The following SLC6A2 variants were observed in gnomAD, a reference collection of about 807,000 sequenced individuals.
SLC6A2 encodes sodium-dependent noradrenaline transporter.
A neutral mutation model predicts 71.7 loss-of-function variants in SLC6A2; 26 were observed. The ratio of observed to expected loss-of-function variants is 0.36; its 90% confidence interval spans 0.27 to 0.50. SLC6A2 has a LOEUF of 0.50. SLC6A2 is among the 20% of genes least tolerant of loss of function. SLC6A2 has a pLI of 0.96. For missense variants in SLC6A2, 581 were observed against 803.9 expected (o/e 0.72, Z 3.35); for synonymous variants, 363 against 337.9 (o/e 1.07, Z -0.82).
At chr16:55,691,847 C>G in intron 5 of SLC6A2, 71 bp from the exon 6 acceptor site, 1 of 1,564,476 alleles carries the variant, frequency 6.4e-7, no homozygotes, top group Admixed American at 1.7e-5. Flanking sequence ...GGAAAGGGCT[C>G]TGTGCCCCAC....
At chr16:55,697,748 G>A (rs1965843254) in intron 9 of SLC6A2, 149 bp from the exon 10 acceptor site, 1 of 738,906 alleles carries the variant, frequency 1.4e-6, no homozygotes, top group African/African-American at 1.7e-5. Context: ...ACGAGAGGAT[G>A]GGGAAGGCAG....
In SLC6A2 at chr16:55,704,803, C is replaced by T. The variant is rs188428384; in HGVS notation, c.*2457C>T. On this transcript the variant is annotated 3_prime_UTR_variant, in exon 15 of 15. Coordinates refer to ENST00000568943, the MANE Select transcript of SLC6A2 (RefSeq NM_001172501.3). ...GCTAGCTGAACCAACACCAAACCAA[C>T]GCAGTGGTGCTGCCTTGCGGCGGAA... is the stretch of plus-strand genomic sequence containing the variant. The T allele has an allele frequency of 2.1e-4, 34 of 160,728 alleles. 1 individual carries two copies. The highest frequency in any genetic ancestry group is 7.6e-4 in the South Asian group (4 of 5,260). 10.0% of individuals were successfully genotyped at this position (160,728 alleles called of 1,614,324 possible). A position where few individuals can be genotyped will look rare whatever the true frequency, so the allele number is the denominator to read the frequency against.
At chr16:55,697,790 G>A in intron 9 of SLC6A2, 107 bp from the exon 10 acceptor site, 1 of 1,192,264 alleles carries the variant, frequency 8.4e-7, no homozygotes, top group South Asian at 1.3e-5. Context: ...AGGCAAGGCA[G>A]CCTACATGAG....
At position 55,666,766 on chromosome 16, in the gene SLC6A2, G is replaced by T. The variant is rs8062340; in HGVS notation, c.275-2799G>T. ...GTTGGCAGTGTCACCCAGAGGTTTA[G>T]AGTTGAGGAAACTGGCCAAAGTGAG... is the stretch of plus-strand genomic sequence containing the variant. On this transcript the variant is annotated intron_variant, in intron 2 of 14. Coordinates refer to ENST00000568943, the MANE Select transcript of SLC6A2 (RefSeq NM_001172501.3). 9.9e-3 allele frequency among the ~76,000 whole-genome samples: 1,502 copies of T among 152,272 alleles called. 32 individuals are homozygous for T. Among genetic ancestry groups the T allele is most frequent in the African/African-American group, 0.034 (1,406 of 41,560 alleles).
intron 6 of SLC6A2, among the ~76,000 whole-genome samples, chr16:55,693,421 T>TC (rs1965698729): frequency 6.6e-6 from 1 of 151,918 alleles, no homozygotes; most frequent in Non-Finnish European, 1.5e-5. Context: ...GGTATAATTA[T>TC]CCCCATTATA....
rs1341528111 is a variant in SLC6A2 at position 55,697,887 on chromosome 16, T to C, written c.1261-10T>C. 1 of 1,613,762 alleles carries C rather than the reference T, an allele frequency of 6.2e-7. No individual in the cohort carries two copies. The highest frequency in any genetic ancestry group is 8.5e-7 in the Non-Finnish European group (1 of 1,179,966). ...AATTCCTGCACCCCACCCCTCCTGG[T>C]TCCCTCCAGATGGGAGGCATGGAGG... On this transcript the variant is annotated splice_polypyrimidine_tract_variant and intron_variant, in intron 9 of 14. Transcript: ENST00000568943.
intron 12 of SLC6A2, 85 bp from the exon 13 acceptor site, chr16:55,700,054 C>G: frequency 1.7e-6 from 2 of 1,172,952 alleles, no homozygotes; most frequent in Non-Finnish European, 2.5e-6. Flanking sequence ...TTCTCTCCCA[C>G]CTTTCTTCCA....
At chr16:55,674,381 G>C (rs1330189110) in intron 4 of SLC6A2, among the ~76,000 whole-genome samples, 2 of 151,838 alleles carry the variant, frequency 1.3e-5, no homozygotes, top group East Asian at 3.9e-4. Flanking sequence ...CCTTTTTGTG[G>C]CTGCATATTA....
intron 10 of SLC6A2, 87 bp from the exon 11 acceptor site, chr16:55,698,381 AG>A: frequency 2.1e-6 from 2 of 932,550 alleles, no homozygotes; most frequent in Admixed American, 1.8e-5. Context: ...CAAGTGGGAC[AG>A]GGGGCAGGTA....
chr16:55,698,456 C>G lies in SLC6A2; in HGVS notation c.1390-13C>G, dbSNP rs1965867363. ...CAAAGAGGGCCTCTTGGCTTCTTCT[C>G]TCCCTGTGCCAGGGTGGAATTTACG... On this transcript the variant is annotated splice_polypyrimidine_tract_variant and intron_variant, in intron 10 of 14. Transcript: ENST00000568943. 1.2e-6 allele frequency: 2 copies of G among 1,602,340 alleles called. No individual in the cohort carries two copies. The highest frequency in any genetic ancestry group is 1.7e-6 in the Non-Finnish European group (2 of 1,169,312).
chr16:55,687,621 G>C (rs1286787620), intron 5 of SLC6A2, among the ~76,000 whole-genome samples: 1 of 152,214 alleles, frequency 6.6e-6, no homozygotes, highest in African/African-American at 2.4e-5. Context: ...TGCAGGCACA[G>C]ACAGAGACCC....
chr16:55,677,498 A>G (rs1965128355), intron 4 of SLC6A2, among the ~76,000 whole-genome samples: 1 of 152,132 alleles, frequency 6.6e-6, no homozygotes, highest in Admixed American at 6.5e-5. Flanking sequence ...GCCCCAGCAG[A>G]GACACCCAGC....
chr16:55,679,862 A>AT (rs1965214015), intron 4 of SLC6A2, among the ~76,000 whole-genome samples: 1 of 152,156 alleles, frequency 6.6e-6, no homozygotes, highest in African/African-American at 2.4e-5. Context: ...AGAGACTTTC[A>AT]TTGTTATCCT....
Position 55,698,535 on chromosome 16 carries a change from C to A in SLC6A2, c.1456C>A (p.Leu486Ile). The A allele has an allele frequency of 6.2e-7, 1 of 1,613,986 alleles. No individual in the cohort carries two copies. Among genetic ancestry groups the A allele is most frequent in the African/African-American group, 1.3e-5 (1 of 75,024 alleles). The change falls in exon 11 of 15, where the codon CTC becomes ATC. Residue 486 changes from leucine (L) to isoleucine (I), a missense_variant. Coordinates refer to ENST00000568943, the MANE Select transcript of SLC6A2 (RefSeq NM_001172501.3). ...AAGTSILFAVLMEAIGVSWFY... is the reference protein window; with the variant it reads ...AAGTSILFAVIMEAIGVSWFY... The stretch of plus-strand genomic sequence containing the variant: ...GGGCACCTCCATCCTTTTTGCTGTC[C>A]TCATGGAAGCCATCGGAGTTTCCTG...
chr16:55,699,731 C>A, intron 12 of SLC6A2, 77 bp downstream of exon 12: 1 of 1,072,464 alleles, frequency 9.3e-7, no homozygotes, highest in Non-Finnish European at 1.4e-6. Context: ...AGGATATTTG[C>A]TTCTTAGGGG....
intron 4 of SLC6A2, among the ~76,000 whole-genome samples, chr16:55,679,856 A>T (rs1965213553): frequency 6.6e-6 from 1 of 152,082 alleles, no homozygotes; most frequent in Non-Finnish European, 1.5e-5. Context: ...ATTCTGAGAG[A>T]CTTTCATTGT....
At chr16:55,691,686 C>G (rs1400941413) in intron 5 of SLC6A2, among the ~76,000 whole-genome samples, 2 of 152,202 alleles carry the variant, frequency 1.3e-5, no homozygotes, top group Non-Finnish European at 2.9e-5. Context: ...GTGGCTGACT[C>G]TCACCCTGGG....
At chr16:55,666,169 T>C (rs1306333430) in intron 2 of SLC6A2, among the ~76,000 whole-genome samples, 1 of 152,166 alleles carries the variant, frequency 6.6e-6, no homozygotes, top group African/African-American at 2.4e-5. Flanking sequence ...CAAGATAAGA[T>C]TCTGGCCTTG....
At chr16:55,696,915 T>C (rs1468533742) in intron 9 of SLC6A2, among the ~76,000 whole-genome samples, 2 of 152,182 alleles carry the variant, frequency 1.3e-5, no homozygotes, top group Admixed American at 1.3e-4. Flanking sequence ...GCCCAGGAGT[T>C]GGAGGCTGCA....
Sources: allele counts gnomAD v4.1 joint callset (sites outside exome capture counted in the v4.1 genomes callset), GRCh38; gene constraint gnomAD v4.1.1; transcripts MANE v1.5; gene names NCBI Gene and HGNC (gene_info 2026-07-23, HGNC 2026-07-21).